Variants in TAF12 observed in about 807,000 individuals in gnomAD.
TAF12 encodes TATA-box binding protein associated factor 12.
In TAF12, 3 loss-of-function variants were observed where a neutral mutation model predicts 20.8. The observed-to-expected ratio is 0.14, with a 90% CI of 0.07 to 0.37. The LOEUF (loss-of-function observed/expected upper bound fraction) is 0.37. Ranked by LOEUF, TAF12 falls within the 10% of genes least tolerant of loss-of-function variation. The pLI is 1.00. For missense variants in TAF12, 131 were observed against 197.9 expected (o/e 0.66, Z 2.03); for synonymous variants, 69 against 70.2 (o/e 0.98, Z 0.09).
In TAF12 at chr1:28,617,941, A is replaced by G. The variant is rs1305743749; in HGVS notation, c.246+12T>C. On this transcript the variant is annotated intron_variant, in intron 3 of 5. Coordinates refer to ENST00000373824, the MANE Select transcript of TAF12 (RefSeq NM_005644.4). ...CAGGGACCAGTTTCTGGGGTACCCA[A>G]CCCCACCTTACCTCCTCCACATCTT... The G allele has an allele frequency of 1.9e-6, 3 of 1,613,912 alleles. No individual in the cohort carries two copies. The highest frequency in any genetic ancestry group is 2.5e-6 in the Non-Finnish European group (3 of 1,179,902).
rs879537502 is a variant in TAF12, at chr1:28,636,630, T to TA, written c.-85+6361dup. Among the ~76,000 whole-genome samples the TA allele has an allele frequency of 8.7e-4, 120 of 138,636 alleles. 1 individual carries two copies. The highest frequency in any genetic ancestry group is 1.7e-3 in the African/African-American group (65 of 37,696). The allele number at this position is 138,636 out of a possible 152,430, so 91.0% of individuals were successfully genotyped here. A position where few individuals can be genotyped will look rare whatever the true frequency, so the allele number is the denominator to read the frequency against. ...CATAGTGAGATCTGGTCACTACAAA[T>TA]AAAAAAAAAAAAATCAAAAAATTTG... On this transcript the variant is annotated intron_variant, in intron 1 of 5. Transcript: ENST00000373824.
upstream of TAF12, among the ~76,000 whole-genome samples, chr1:28,647,285 T>C (rs1370254866): frequency 2.0e-5 from 3 of 148,704 alleles, no homozygotes; most frequent in Non-Finnish European, 4.5e-5. Flanking sequence ...TTGTCACATA[T>C]TGTTTTTTTT....
intron 1 of TAF12, among the ~76,000 whole-genome samples, chr1:28,631,593 G>A (rs1201868369): frequency 6.6e-6 from 1 of 152,170 alleles, no homozygotes; most frequent in African/African-American, 2.4e-5. Flanking sequence ...ACTTTGGGAG[G>A]CCAAGGCAGG....
chr1:28,616,171 C>G (rs146384031), intron 3 of TAF12, among the ~76,000 whole-genome samples: 1 of 151,306 alleles, frequency 6.6e-6, no homozygotes, highest in Non-Finnish European at 1.5e-5. Context: ...CTGAGGTGGA[C>G]AGATCACTTG....
intron 1 of TAF12, among the ~76,000 whole-genome samples, chr1:28,627,363 G>A (rs1667439461): frequency 1.4e-5 from 2 of 147,082 alleles, no homozygotes; most frequent in South Asian, 4.4e-4. Flanking sequence ...ACTCCAGCCT[G>A]GGTAACAGAG....
upstream of TAF12, among the ~76,000 whole-genome samples, chr1:28,647,482 C>G (rs554939984): frequency 6.6e-6 from 1 of 151,978 alleles, no homozygotes; most frequent in Non-Finnish European, 1.5e-5. Context: ...GGGACGAGGT[C>G]TCTATATGTT....
At chr1:28,628,970 G>A (rs933332262) in intron 1 of TAF12, among the ~76,000 whole-genome samples, 2 of 152,212 alleles carry the variant, frequency 1.3e-5, no homozygotes, top group Admixed American at 6.5e-5. Context: ...TATTTGGGAG[G>A]CTGAGGCAGG....
intron 3 of TAF12, 64 bp from the exon 4 acceptor site, chr1:28,613,425 CA>C: frequency 7.4e-7 from 1 of 1,347,478 alleles, no homozygotes; most frequent in South Asian, 1.3e-5. Context: ...GTTGCTGGGA[CA>C]ACTGCTTTCA....
At chr1:28,618,596 G>C (rs911341694) in intron 2 of TAF12, among the ~76,000 whole-genome samples, 7 of 128,966 alleles carry the variant, frequency 5.4e-5, no homozygotes, top group African/African-American at 2.1e-4. Flanking sequence ...GCCTGCTCTT[G>C]AACTCCTGGC....
chr1:28,643,181 G>A, upstream of TAF12: 1 of 890,516 alleles, frequency 1.1e-6, no homozygotes, highest in Non-Finnish European at 1.3e-6. Context: ...ACTGCCCTCC[G>A]ACACGTGGTG....
upstream of TAF12, among the ~76,000 whole-genome samples, chr1:28,646,611 A>C (rs1171995083): frequency 3.3e-5 from 5 of 151,660 alleles, no homozygotes; most frequent in African/African-American, 4.9e-5. Flanking sequence ...GCTCGCTGCA[A>C]CCTCTGCCTC....
intron 1 of TAF12, among the ~76,000 whole-genome samples, chr1:28,623,487 A>AAAAT (rs35847599): frequency 0.59 from 88,120 of 149,618 alleles, 26,730 homozygotes; most frequent in African/African-American, 0.69. Flanking sequence ...AATAATAATA[A>AAAAT]AAATAAATAA....
chr1:28,647,487 T>C (rs563740762), upstream of TAF12, among the ~76,000 whole-genome samples: 31 of 152,050 alleles, frequency 2.0e-4, 1 homozygote, highest in South Asian at 6.2e-3. Context: ...GAGGTCTCTA[T>C]ATGTTGCCCA....
chr1:28,648,253 A>G (rs1429975131), exon 1 of TAF12: 1 of 985,186 alleles, frequency 1.0e-6, no homozygotes, highest in Non-Finnish European at 1.2e-6. Context: ...TTCTGTCGTG[A>G]GCAGTTGACA....
chr1:28,605,381 A>C lies in TAF12; in HGVS notation c.441T>G (p.Ala147=). Residue 147 remains alanine, a synonymous_variant, in exon 5 of 6, where the codon GCT becomes GCG. Transcript: ENST00000373824. ...TCTGGCATTTCCTCACCTGTTTGTG[A>C]GCTTCTGTGGTGCAAGCTTTTTTGT... ...RPYKKACTTE[A]HKQRMALIRK... is the part of the protein sequence containing the mutation. 6.2e-7 allele frequency: 1 copy of C among 1,613,952 alleles called. No homozygotes were observed.
rs990772930 is a variant in TAF12, at chr1:28,605,270, G to A, written c.450+102C>T. 4.9e-6 allele frequency: 6 copies of A among 1,213,532 alleles called. No individual in the cohort carries two copies. In the African/African-American group the frequency reaches 9.0e-5, roughly 18 times the overall value. The allele number at this position is 1,213,532 out of a possible 1,614,324, so 75.2% of individuals were successfully genotyped here. On this transcript the variant is annotated intron_variant, in intron 5 of 5. Coordinates refer to ENST00000373824, the MANE Select transcript of TAF12 (RefSeq NM_005644.4). The stretch of plus-strand genomic sequence containing the variant: ...CTCCAGAGAGTGAAGTTTGCTGTGT[G>A]GAGGAAGCGAGGCCCCCTAGAAGGT...
chr1:28,633,120 C>T (rs989086716), intron 1 of TAF12, among the ~76,000 whole-genome samples: 1 of 151,360 alleles, frequency 6.6e-6, no homozygotes, highest in African/African-American at 2.4e-5. Flanking sequence ...CTCGGCCTCC[C>T]AAAGTGCTGG....
At chr1:28,609,532 G>C (rs567236830) in intron 4 of TAF12, among the ~76,000 whole-genome samples, 1 of 151,992 alleles carries the variant, frequency 6.6e-6, no homozygotes, top group East Asian at 1.9e-4. Flanking sequence ...TGTCGCCCAG[G>C]CTGGAGTGCA....
At chr1:28,623,206 A>G (rs530401322) in intron 1 of TAF12, among the ~76,000 whole-genome samples, 5 of 152,104 alleles carry the variant, frequency 3.3e-5, no homozygotes, top group Admixed American at 2.6e-4. Context: ...GTGAGACACT[A>G]TCTAAAAATA....
Sources: gnomAD v4.1 joint callset for allele counts (sites outside exome capture counted in the v4.1 genomes callset) on GRCh38, gnomAD v4.1.1 for gene constraint, MANE v1.5 for transcripts, NCBI Gene and HGNC (gene_info 2026-07-23, HGNC 2026-07-21) for gene names.